EYS: variants seen among roughly 807,000 people sequenced by gnomAD.
EYS encodes protein eyes shut homolog.
EYS carries 250 observed loss-of-function variants against 282.1 expected under a neutral mutation model. The ratio of observed to expected loss-of-function variants is 0.89; its 90% CI spans 0.80 to 0.98. The LOEUF (loss-of-function observed/expected upper bound fraction) is 0.98. EYS is among the 50% of genes least tolerant of loss of function. The probability of loss-of-function intolerance (pLI) is 0.00; values close to 1 mark genes in which losing one functional copy is unlikely to be tolerated. For synonymous variants in EYS, 1,355 were observed against 1,282.9 expected (o/e 1.06, Z -1.20); for missense variants, 4,016 against 3,709.0 (o/e 1.08, Z -2.15).
At chr6:63,795,698 AC>A (rs2149674038) in intron 37 of EYS, among the ~76,000 whole-genome samples, 1 of 152,260 alleles carries the variant, frequency 6.6e-6, no homozygotes, top group Non-Finnish European at 1.5e-5. Flanking sequence ...TAGTTCTCCA[AC>A]CTGGCTGAAC....
Position 65,354,586 on chromosome 6 carries a change from C to T in EYS, c.1300-969G>A, listed in dbSNP as rs373596035. On this transcript the variant is annotated intron_variant, in intron 8 of 42. Coordinates refer to ENST00000503581, the MANE Select transcript of EYS (RefSeq NM_001142800.2). ...ATCCTAGCACTTTGGGATGCCAAGG[C>T]GGGCGGATTACCTGAGGTCAGGAGT... Among the ~76,000 whole-genome samples, 67 of 152,032 alleles carry T rather than the reference C, an allele frequency of 4.4e-4. 2 individuals carry two copies. In the East Asian group the frequency reaches 6.2e-3, roughly 14 times the overall value.
intron 31 of EYS, among the ~76,000 whole-genome samples, chr6:64,094,602 T>A (rs1457040146): frequency 6.6e-6 from 1 of 152,202 alleles, no homozygotes; most frequent in Non-Finnish European, 1.5e-5. Context: ...TGTGGTGATG[T>A]CCCCTTTATC....
intron 22 of EYS, among the ~76,000 whole-genome samples, chr6:64,725,972 A>C (rs1771741037): frequency 6.6e-6 from 1 of 152,172 alleles, no homozygotes. Context: ...CAATGTAAAC[A>C]AAAGTGTTTC....
chr6:63,754,015 G>A (rs1769413333), intron 41 of EYS, among the ~76,000 whole-genome samples: 3 of 151,980 alleles, frequency 2.0e-5, no homozygotes, highest in African/African-American at 7.2e-5. Context: ...CAGAAATAAT[G>A]CATTTATCAT....
At chr6:65,430,015 G>A (rs982459666) in intron 5 of EYS, among the ~76,000 whole-genome samples, 2 of 152,156 alleles carry the variant, frequency 1.3e-5, no homozygotes, top group African/African-American at 4.8e-5. Flanking sequence ...ACAGATTAGT[G>A]AAGCATAGGA....
intron 2 of EYS, among the ~76,000 whole-genome samples, chr6:65,622,658 G>A (rs899647322): frequency 7.2e-5 from 11 of 151,998 alleles, no homozygotes; most frequent in East Asian, 3.9e-4. Flanking sequence ...GTACTTCAAA[G>A]CAGACTATCA....
intron 14 of EYS, among the ~76,000 whole-genome samples, chr6:64,956,604 C>T (rs1307667182): frequency 7.0e-6 from 1 of 143,410 alleles, no homozygotes; most frequent in African/African-American, 2.7e-5. Context: ...AGTTAAAAAG[C>T]TCCTGCACAG....
At chr6:64,139,860 T>G (rs149636954) in intron 31 of EYS, among the ~76,000 whole-genome samples, 3,781 of 151,720 alleles carry the variant, frequency 0.025, 142 homozygotes, top group African/African-American at 0.086. Flanking sequence ...TCCTAGCTAC[T>G]TGGGAGGCTG....
intron 31 of EYS, among the ~76,000 whole-genome samples, chr6:64,142,747 A>T (rs982898247): frequency 6.6e-6 from 1 of 152,196 alleles, no homozygotes; most frequent in Admixed American, 6.6e-5. Context: ...GCTTCACTTC[A>T]AGCAGGAAAT....
At chr6:65,667,114 C>T (rs577191301) in intron 1 of EYS, among the ~76,000 whole-genome samples, 1 of 151,744 alleles carries the variant, frequency 6.6e-6, no homozygotes, top group South Asian at 2.1e-4. Flanking sequence ...CAGAATTAAT[C>T]TCTTGCTCTG....
At chr6:65,512,702 T>C (rs533721424) in intron 2 of EYS, among the ~76,000 whole-genome samples, 2 of 151,530 alleles carry the variant, frequency 1.3e-5, no homozygotes, top group Non-Finnish European at 2.9e-5. Flanking sequence ...GGGCACATAA[T>C]GAAATGAAGG....
At chr6:65,102,539 A>T (rs561207403) in intron 12 of EYS, among the ~76,000 whole-genome samples, 166 of 151,364 alleles carry the variant, frequency 1.1e-3, no homozygotes, top group Middle Eastern at 6.8e-3. Flanking sequence ...CAGAAATTTA[A>T]TTTCCTTTAA....
chr6:65,250,019 C>T (rs766375193), intron 12 of EYS, among the ~76,000 whole-genome samples: 2 of 151,868 alleles, frequency 1.3e-5, no homozygotes, highest in South Asian at 4.1e-4. Context: ...ATTTAACAAA[C>T]GTAATGGAAG....
At chr6:64,671,987 C>T (rs144860535) in intron 22 of EYS, among the ~76,000 whole-genome samples, 33 of 151,776 alleles carry the variant, frequency 2.2e-4, no homozygotes, top group African/African-American at 6.3e-4. Context: ...ATCTTCAAAG[C>T]GCAATTATTT....
At chr6:64,990,474 T>C (rs1771027288) in intron 14 of EYS, among the ~76,000 whole-genome samples, 1 of 151,632 alleles carries the variant, frequency 6.6e-6, no homozygotes, top group Non-Finnish European at 1.5e-5. Flanking sequence ...GCAGTGTTTG[T>C]TTTGAAATCA....
chr6:65,580,245 A>G (rs1371283153), intron 2 of EYS, among the ~76,000 whole-genome samples: 1 of 152,150 alleles, frequency 6.6e-6, no homozygotes, highest in Admixed American at 6.6e-5. Flanking sequence ...TAAAATTGCA[A>G]ATGTTCTATT....
intron 2 of EYS, among the ~76,000 whole-genome samples, chr6:65,515,694 A>G (rs2127294318): frequency 6.6e-6 from 1 of 151,038 alleles, no homozygotes; most frequent in East Asian, 2.0e-4. Context: ...CGCAAGGACA[A>G]AAAACCAAAC....
chr6:65,026,990 T>C (rs1181962033), intron 13 of EYS, among the ~76,000 whole-genome samples: 1 of 150,900 alleles, frequency 6.6e-6, no homozygotes, highest in African/African-American at 2.4e-5. Flanking sequence ...GTTCTACCCT[T>C]TTCCTCTTCC....
At chr6:65,594,675 C>T (rs1765344983) in intron 2 of EYS, among the ~76,000 whole-genome samples, 1 of 152,038 alleles carries the variant, frequency 6.6e-6, no homozygotes, top group African/African-American at 2.4e-5. Flanking sequence ...TAATTAGATT[C>T]CCTTTGTCAA....
Sources: allele counts gnomAD v4.1 joint callset (sites outside exome capture counted in the v4.1 genomes callset), GRCh38; gene constraint gnomAD v4.1.1; transcripts MANE v1.5; gene names NCBI Gene and HGNC (gene_info 2026-07-23, HGNC 2026-07-21).